CALB1: variants seen among roughly 807,000 people sequenced by gnomAD.
CALB1 encodes the protein calbindin.
In CALB1, 16 loss-of-function variants were observed where a neutral mutation model predicts 46.7. That is an observed-to-expected ratio of 0.34 (90% CI 0.23 to 0.52). The LOEUF (loss-of-function observed/expected upper bound fraction) is 0.52. Ranked by LOEUF, CALB1 falls within the 20% of genes least tolerant of loss-of-function variation. The pLI is 0.95. For missense variants in CALB1, 224 were observed against 300.3 expected, an observed-to-expected ratio of 0.75 and a Z score of 1.88; for synonymous variants, 90 against 112.8, an observed-to-expected ratio of 0.80 and a Z score of 1.28.
At chr8:90,066,996 T>C (rs772968675) in intron 5 of CALB1, among the ~76,000 whole-genome samples, 5 of 152,146 alleles carry the variant, frequency 3.3e-5, no homozygotes, top group Non-Finnish European at 7.4e-5. Flanking sequence ...GACTCTTTTC[T>C]TAGTTTGATA....
chr8:90,065,574 A>G (rs1323012231), intron 6 of CALB1, among the ~76,000 whole-genome samples: 1 of 151,830 alleles, frequency 6.6e-6, no homozygotes, highest in East Asian at 1.9e-4. Flanking sequence ...TGTACCTTAT[A>G]TATGTGTAAG....
Position 90,060,722 on chromosome 8 carries a change from A to G in CALB1, c.601-22T>C, listed in dbSNP as rs374955232. 1.2e-5 allele frequency: 18 copies of G among 1,546,512 alleles called. No individual in the cohort carries two copies. The African/African-American group carries it at 2.2e-4, about 19-fold the overall frequency. On this transcript the variant is annotated intron_variant, in intron 9 of 10. Transcript: ENST00000265431. ...CGTCCTGGGGGAGGAGAAATAAAAT[A>G]GTATACAACCAACTCCATCTACAGT...
chr8:90,079,553 C>T (rs760217806), intron 2 of CALB1, among the ~76,000 whole-genome samples: 59 of 151,882 alleles, frequency 3.9e-4, no homozygotes, highest in African/African-American at 1.2e-3. Context: ...TACATCTTAA[C>T]GTAAACAAAA....
Position 90,063,475 on chromosome 8 carries a change from T to A in CALB1, c.451-14A>T, listed in dbSNP as rs1399085702. On this transcript the variant is annotated splice_polypyrimidine_tract_variant and intron_variant, in intron 6 of 10. Coordinates refer to ENST00000265431, the MANE Select transcript of CALB1 (RefSeq NM_004929.4). ...AAATAGTTTCAGCTGAAAGACAGAATGCCATTATTCTAGCTATTTGAGGAA... is the reference window on the plus strand; with the variant it reads ...AAATAGTTTCAGCTGAAAGACAGAAAGCCATTATTCTAGCTATTTGAGGAA... 6.2e-7 allele frequency: 1 copy of A among 1,603,334 alleles called. No homozygotes were observed. Among genetic ancestry groups the A allele is most frequent in the Non-Finnish European group, 8.5e-7 (1 of 1,171,654 alleles).
At chr8:90,069,293 CTGCCAT>C in intron 3 of CALB1, 56 bp from the exon 4 acceptor site, 1 of 1,257,214 alleles carries the variant, frequency 8.0e-7, no homozygotes, top group Non-Finnish European at 1.2e-6. Flanking sequence ...AAACAAGTCT[CTGCCAT>C]TACCTGCTGC....
Position 90,060,107 on chromosome 8 carries a change from C to T in CALB1, c.*66G>A. ...GATATAAAAGAAAATACAGCCTACTCCCTTATAGTGCACAGTTATTTTTTA... is the reference window on the plus strand; with the variant it reads ...GATATAAAAGAAAATACAGCCTACTTCCTTATAGTGCACAGTTATTTTTTA... On this transcript the variant is annotated 3_prime_UTR_variant, in exon 11 of 11. Coordinates refer to ENST00000265431, the MANE Select transcript of CALB1 (RefSeq NM_004929.4). 1.1e-6 allele frequency: 1 copy of T among 888,832 alleles called. No individual in the cohort carries two copies. The highest frequency in any genetic ancestry group is 1.9e-6 in the Non-Finnish European group (1 of 519,870). The allele number at this position is 888,832 out of a possible 1,614,324, so 55.1% of individuals were successfully genotyped here. A position where few individuals can be genotyped will look rare whatever the true frequency, so the allele number is the denominator to read the frequency against.
intron 1 of CALB1, 103 bp from the exon 2 acceptor site, chr8:90,082,205 C>T: frequency 2.0e-6 from 2 of 994,374 alleles, no homozygotes; most frequent in Admixed American, 2.1e-5. Context: ...GAGAGGCTCT[C>T]TCTTGCCTGG....
At position 90,060,590 on chromosome 8, in the gene CALB1, G is replaced by A. The variant is rs771360282; in HGVS notation, c.672+39C>T. 10 of 1,514,652 alleles carry A rather than the reference G, an allele frequency of 6.6e-6. No individual in the cohort carries two copies. The East Asian group carries it at 2.0e-4, about 31-fold the overall frequency. The allele number at this position is 1,514,652 out of a possible 1,614,324, so 93.8% of individuals were successfully genotyped here. The stretch of plus-strand genomic sequence containing the variant: ...TGTTGGTTTTGGATGGATCCACAGA[G>A]TCTGCTTAAAGAAGTAAGTGCCATG... On this transcript the variant is annotated intron_variant, in intron 10 of 10. Transcript: ENST00000265431.
rs140960747 is a variant in CALB1 at position 90,063,373 on chromosome 8, A to G, written c.506+33T>C. On this transcript the variant is annotated intron_variant, in intron 7 of 10. Coordinates refer to ENST00000265431, the MANE Select transcript of CALB1 (RefSeq NM_004929.4). ...ATATTACATTTTTTGAAAAGGATCC[A>G]CTTACAATATTTTTCATGGTTCCTA... 4.0e-5 allele frequency: 63 copies of G among 1,592,370 alleles called. No homozygotes were observed. In the African/African-American group the frequency reaches 7.4e-4, roughly 19 times the overall value.
At chr8:90,060,818 A>G in intron 9 of CALB1, 118 bp from the exon 10 acceptor site, 1 of 860,708 alleles carries the variant, frequency 1.2e-6, no homozygotes, top group African/African-American at 1.7e-5. Context: ...CTTGGCAGAT[A>G]ATCTGTTATG....
At position 90,081,941 on chromosome 8, in the gene CALB1, C is replaced by T. The variant is rs578211261; in HGVS notation, c.156+85G>A. On this transcript the variant is annotated intron_variant, in intron 2 of 10. Transcript: ENST00000265431. ...TTTACATTACCCAGAAAGCGCTTTA[C>T]GCTACTGGCTTTTTGTGAAAACACA... 1.5e-5 allele frequency: 19 copies of T among 1,227,866 alleles called. No homozygotes were observed. The Admixed American group carries it at 3.2e-4, about 20-fold the overall frequency. 76.1% of individuals were successfully genotyped at this position (1,227,866 alleles called of 1,614,324 possible).
At chr8:90,062,083 G>C (rs1814311158) in intron 9 of CALB1, 1 of 151,934 alleles carries the variant, frequency 6.6e-6, no homozygotes, top group Admixed American at 6.6e-5. Context: ...AACACAAAAT[G>C]GGACAAGGAT....
rs1814266903 is a variant in CALB1 at position 90,060,119 on chromosome 8, A to G, written c.*54T>C. 2 of 982,896 alleles carry G rather than the reference A, an allele frequency of 2.0e-6. No individual in the cohort carries two copies. The highest frequency in any genetic ancestry group is 1.6e-5 in the African/African-American group (1 of 62,870). 60.9% of individuals were successfully genotyped at this position (982,896 alleles called of 1,614,324 possible). A position where few individuals can be genotyped will look rare whatever the true frequency, so the allele number is the denominator to read the frequency against. ...AATACAGCCTACTCCCTTATAGTGC[A>G]CAGTTATTTTTTAGATACAGTGTAT... On this transcript the variant is annotated 3_prime_UTR_variant, in exon 11 of 11. Transcript: ENST00000265431.
intron 3 of CALB1, among the ~76,000 whole-genome samples, chr8:90,076,866 T>G: frequency 6.6e-6 from 1 of 151,976 alleles, no homozygotes; most frequent in Non-Finnish European, 1.5e-5. Flanking sequence ...CTTATAAAAA[T>G]GTAAAATCCA....
intron 10 of CALB1, 110 bp from the exon 11 acceptor site, chr8:90,060,396 A>G: frequency 1.3e-6 from 1 of 761,726 alleles, no homozygotes; most frequent in Admixed American, 2.0e-5. Flanking sequence ...ATCCATTAAC[A>G]AAAGAGCTGG....
intron 9 of CALB1, chr8:90,061,961 C>T (rs540089294): frequency 4.6e-5 from 7 of 152,116 alleles, no homozygotes; most frequent in Admixed American, 1.3e-4. Flanking sequence ...AAATATATTA[C>T]AAAGCTACAA....
At position 90,076,911 on chromosome 8, in the gene CALB1, T is replaced by C. The variant is rs559575487; in HGVS notation, c.231+1462A>G. 2.6e-5 allele frequency among the ~76,000 whole-genome samples: 4 copies of C among 152,116 alleles called. No individual in the cohort carries two copies. In the South Asian group the frequency reaches 8.3e-4, roughly 32 times the overall value. On this transcript the variant is annotated intron_variant, in intron 3 of 10. Transcript: ENST00000265431. ...GATCAATGCCTTTTACTGCACAATCTAGTATCACTGAAGAAATGAAATTGA... is the reference window on the plus strand; with the variant it reads ...GATCAATGCCTTTTACTGCACAATCCAGTATCACTGAAGAAATGAAATTGA...
In CALB1 at chr8:90,060,689, T is replaced by A. The variant is rs751487604; in HGVS notation, c.612A>T (p.Gly204=). ...CATCCAGTTCATTTTCATCTATGTA[T>A]CCATTGCCGTCCTGGGGGAGGAGAA... ...AFELYDQDGN[G]YIDENELDAL... is the part of the protein sequence containing the mutation. The change falls in exon 10 of 11, where the codon GGA becomes GGT. Residue 204 remains glycine, a synonymous_variant. Transcript: ENST00000265431. The A allele has an allele frequency of 6.2e-7, 1 of 1,612,844 alleles. No homozygotes were observed. The highest frequency in any genetic ancestry group is 1.1e-5 in the South Asian group (1 of 91,052).
At chr8:90,063,489 C>G in intron 6 of CALB1, 28 bp from the exon 7 acceptor site, 2 of 1,570,128 alleles carry the variant, frequency 1.3e-6, no homozygotes, top group South Asian at 1.1e-5. Context: ...ATTATTCTAG[C>G]TATTTGAGGA....
Sources: allele counts gnomAD v4.1 joint callset (sites outside exome capture counted in the v4.1 genomes callset), GRCh38; gene constraint gnomAD v4.1.1; transcripts MANE v1.5; gene names NCBI Gene and HGNC (gene_info 2026-07-23, HGNC 2026-07-21).